ABLIM1: variants seen among roughly 807,000 people sequenced by gnomAD.
ABLIM1 encodes actin-binding LIM protein 1.
Under a neutral mutation model 107.0 loss-of-function variants are expected in ABLIM1, and 40 were observed. The observed-to-expected ratio is 0.37, with a 90% confidence interval of 0.29 to 0.49. The LOEUF (loss-of-function observed/expected upper bound fraction) is 0.49. ABLIM1 is among the 20% of genes least tolerant of loss of function. ABLIM1 has a pLI of 0.97. For synonymous variants in ABLIM1, 357 were observed against 357.3 expected, an observed-to-expected ratio of 1.00 and a Z score of 0.01; for missense variants, 857 against 1,008.5, an observed-to-expected ratio of 0.85 and a Z score of 2.04.
In ABLIM1 at chr10:114,575,514, C is replaced by T. The variant is rs745788414; in HGVS notation, c.465G>A (p.Gly155=). Reference sequence around the variant, plus strand: ...ACTCCCCACAGCCATGGCAGCGTGTCCCGTACATCCGCTGGTAGTCCAGGG... The same window carrying T: ...ACTCCCCACAGCCATGGCAGCGTGTTCCGTACATCCGCTGGTAGTCCAGGG... ...LCTLDYQRMY[G]TRCHGCGEFV... is the part of the protein sequence containing the mutation. The change falls in exon 3 of 23, where the codon GGG becomes GGA. Residue 155 remains glycine (G), a synonymous_variant. Transcript: ENST00000533213. The T allele has an allele frequency of 2.5e-6, 4 of 1,614,230 alleles. No individual in the cohort carries two copies. Among genetic ancestry groups the T allele is most frequent in the South Asian group, 1.1e-5 (1 of 91,086 alleles).
intron 1 of ABLIM1, among the ~76,000 whole-genome samples, chr10:114,750,566 C>A (rs1287013513): frequency 6.6e-6 from 1 of 152,138 alleles, no homozygotes; most frequent in Non-Finnish European, 1.5e-5. Flanking sequence ...CCTCCAAAAG[C>A]AAACTACTGA....
chr10:114,735,189 T>C (rs2142208606), intron 1 of ABLIM1, among the ~76,000 whole-genome samples: 1 of 152,284 alleles, frequency 6.6e-6, no homozygotes, highest in South Asian at 2.1e-4. Context: ...GTAATATGTT[T>C]CAGACACTGG....
chr10:114,686,786 G>A (rs2080949409), upstream of ABLIM1, among the ~76,000 whole-genome samples: 1 of 151,540 alleles, frequency 6.6e-6, no homozygotes, highest in African/African-American at 2.4e-5. Context: ...GTGCCACCAT[G>A]CCCGGCTATT....
chr10:114,451,752 C>G (rs1472490166), intron 13 of ABLIM1, 81 bp from the exon 14 acceptor site: 1 of 1,202,542 alleles, frequency 8.3e-7, no homozygotes, highest in Non-Finnish European at 1.2e-6. Context: ...AGGGGCAAAT[C>G]AAACTGAAGA....
chr10:114,774,087 G>GTAT, the ABLIM1 span, among the ~76,000 whole-genome samples: 1 of 151,834 alleles, frequency 6.6e-6, no homozygotes, highest in African/African-American at 2.4e-5. Flanking sequence ...TAAATAAAGA[G>GTAT]TATTAGAAAG....
intron 4 of ABLIM1, among the ~76,000 whole-genome samples, chr10:114,563,186 G>A (rs1056409597): frequency 2.6e-5 from 4 of 152,216 alleles, no homozygotes; most frequent in African/African-American, 4.8e-5. Context: ...TCACCAAAAT[G>A]TTAACAGAGG....
chr10:114,500,992 G>A (rs2060354200), intron 6 of ABLIM1, among the ~76,000 whole-genome samples: 1 of 152,150 alleles, frequency 6.6e-6, no homozygotes, highest in Non-Finnish European at 1.5e-5. Flanking sequence ...TTCTAGAAGT[G>A]TCCAGTGAAT....
the ABLIM1 span, among the ~76,000 whole-genome samples, chr10:114,782,937 T>C: frequency 1.3e-5 from 2 of 152,110 alleles, no homozygotes; most frequent in Non-Finnish European, 2.9e-5. Context: ...ATCAAGTATA[T>C]TGCAGTTCCG....
At chr10:114,511,626 A>T (rs1173127865) in intron 6 of ABLIM1, among the ~76,000 whole-genome samples, 1 of 152,006 alleles carries the variant, frequency 6.6e-6, no homozygotes, top group Non-Finnish European at 1.5e-5. Flanking sequence ...CAGCCTCCCT[A>T]AGTGCTGGGA....
intron 1 of ABLIM1, among the ~76,000 whole-genome samples, chr10:114,674,304 A>T (rs892299727): frequency 3.3e-5 from 5 of 151,964 alleles, no homozygotes; most frequent in African/African-American, 7.2e-5. Context: ...AAAAAAAAAA[A>T]AAATTAATTA....
At chr10:114,549,398 T>A (rs888278074) in intron 4 of ABLIM1, among the ~76,000 whole-genome samples, 4 of 152,066 alleles carry the variant, frequency 2.6e-5, no homozygotes, top group Non-Finnish European at 2.9e-5. Flanking sequence ...AATAAAGTAA[T>A]TAAATAAATA....
intron 6 of ABLIM1, among the ~76,000 whole-genome samples, chr10:114,542,787 A>AGGGCCAGGAGGGGAG (rs1203436703): frequency 1.6e-4 from 24 of 152,254 alleles, no homozygotes; most frequent in African/African-American, 5.8e-4. Flanking sequence ...GGATGGACTC[A>AGGGCCAGGAGGGGAG]GGGCCAGGAG....
chr10:114,717,987 AAAGAAAGGAAGGAAGG>A (rs1408877125), intron 1 of ABLIM1, among the ~76,000 whole-genome samples: 13 of 101,922 alleles, frequency 1.3e-4, no homozygotes, highest in Non-Finnish European at 2.0e-4. Flanking sequence ...AGAAAGAAAG[AAAGAAAGGAAGGAAGG>A]AAGGAAGGAA....
chr10:114,578,998 G>T (rs2073020378), intron 2 of ABLIM1, among the ~76,000 whole-genome samples: 3 of 151,732 alleles, frequency 2.0e-5, no homozygotes, highest in Non-Finnish European at 4.4e-5. Context: ...CATTGGCCAG[G>T]CTGGTCTTGA....
chr10:114,790,322 TAATAC>T, the ABLIM1 span, among the ~76,000 whole-genome samples: 1 of 151,184 alleles, frequency 6.6e-6, no homozygotes, highest in East Asian at 1.9e-4. Flanking sequence ...TGTGATTAAT[TAATAC>T]ATTACCTCAA....
intron 5 of ABLIM1, among the ~76,000 whole-genome samples, chr10:114,545,932 AAAAAAAAAAAC>A (rs964086851): frequency 5.2e-5 from 6 of 114,994 alleles, no homozygotes; most frequent in South Asian, 3.0e-4. Context: ...CCCCATCTCA[AAAAAAAAAAAC>A]AAAAAAAAAA....
chr10:114,468,423 G>GTA (rs1565419835), intron 10 of ABLIM1, among the ~76,000 whole-genome samples: 3 of 72,686 alleles, frequency 4.1e-5, no homozygotes, highest in Non-Finnish European at 9.1e-5. Flanking sequence ...TACAGGCGCC[G>GTA]CCACCACCCC....
At chr10:114,598,160 G>A (rs552115131) in intron 2 of ABLIM1, among the ~76,000 whole-genome samples, 2 of 150,180 alleles carry the variant, frequency 1.3e-5, no homozygotes, top group Non-Finnish European at 2.9e-5. Flanking sequence ...TGTAACCCCA[G>A]CTACTTGGGA....
chr10:114,444,683 CT>C (rs1270015271), intron 16 of ABLIM1, among the ~76,000 whole-genome samples: 2 of 152,004 alleles, frequency 1.3e-5, no homozygotes, highest in Non-Finnish European at 2.9e-5. Flanking sequence ...ATAAATGCAA[CT>C]TTGTATCCTT....
Sources: gnomAD v4.1 joint callset for allele counts (sites outside exome capture counted in the v4.1 genomes callset) on GRCh38, gnomAD v4.1.1 for gene constraint, MANE v1.5 for transcripts, NCBI Gene and HGNC (gene_info 2026-07-23, HGNC 2026-07-21) for gene names.